ELK3: variants seen among roughly 807,000 people sequenced by gnomAD.
The protein encoded by ELK3 is ETS transcription factor ELK3.
In ELK3, 10 loss-of-function variants were observed where a neutral mutation model predicts 28.9. The ratio of observed to expected loss-of-function variants is 0.35; its 90% CI spans 0.21 to 0.59. The LOEUF (loss-of-function observed/expected upper bound fraction) is 0.59, where lower values mean the gene tolerates loss of function less well. Ranked by LOEUF, ELK3 falls within the 20% of genes least tolerant of loss-of-function variation. The pLI, the probability that ELK3 is intolerant of heterozygous loss-of-function variation, is 0.82. For missense variants in ELK3, 463 were observed against 517.3 expected (o/e 0.90, Z 1.02); for synonymous variants, 272 against 243.5 (o/e 1.12, Z -1.09).
At chr12:96,217,098 G>T (rs1330362304) in intron 1 of ELK3, among the ~76,000 whole-genome samples, 2 of 152,194 alleles carry the variant, frequency 1.3e-5, no homozygotes, top group Non-Finnish European at 1.5e-5. Flanking sequence ...AAAAAATTAA[G>T]AAATGAGCAG....
intron 2 of ELK3, among the ~76,000 whole-genome samples, chr12:96,224,325 C>T (rs1951684823): frequency 6.6e-6 from 1 of 151,510 alleles, no homozygotes; most frequent in South Asian, 2.1e-4. Flanking sequence ...TAGAACGCTG[C>T]TAATAGGAGT....
chr12:96,239,479 G>A (rs1951805850), intron 2 of ELK3, among the ~76,000 whole-genome samples: 1 of 152,162 alleles, frequency 6.6e-6, no homozygotes, highest in African/African-American at 2.4e-5. Context: ...GGGGACCTTG[G>A]CTTCTCCATC....
At position 96,247,488 on chromosome 12, in the gene ELK3, C is replaced by T; in HGVS notation, c.756C>T (p.Leu252=). 6.2e-7 allele frequency: 1 copy of T among 1,614,168 alleles called. No individual in the cohort carries two copies. The part of the protein sequence containing the change: ...RSPSLSPNSP[L]PSEHRSLFLE... ...CGTCCCTGTCCCCCAACTCACCCCT[C>T]CCTTCTGAACACAGAAGCCTCTTCC... Residue 252 remains leucine, a synonymous_variant, in exon 3 of 5, where the codon CTC becomes CTT. Transcript: ENST00000228741. This position sits in a 1 kb window ranked among gnomAD's most constrained non-coding sequence, Gnocchi z 5.5.
intron 4 of ELK3, among the ~76,000 whole-genome samples, chr12:96,263,457 T>C (rs989584278): frequency 7.2e-5 from 11 of 152,252 alleles, no homozygotes; most frequent in Admixed American, 4.6e-4. Context: ...GGAATAGGTA[T>C]GTCTTGAAAC....
At chr12:96,210,650 C>T (rs976676752) in intron 1 of ELK3, among the ~76,000 whole-genome samples, 5 of 151,946 alleles carry the variant, frequency 3.3e-5, no homozygotes, top group African/African-American at 9.7e-5. Flanking sequence ...AGCTTCTCAA[C>T]GGCCCACTTG....
intron 1 of ELK3, chr12:96,222,815 A>G (rs1951671816): frequency 6.6e-6 from 1 of 152,618 alleles, no homozygotes; most frequent in Non-Finnish European, 1.5e-5. Flanking sequence ...AAGCGGTTTA[A>G]TGGGCTCACA....
rs56206854 is a variant in ELK3, at chr12:96,196,747, G to GT, written c.-3+2063dup. On this transcript the variant is annotated intron_variant, in intron 1 of 4. Transcript: ENST00000228741. ...CAAAGGCCTTCTGCCCTCTAAAAGT[G>GT]TTTTTTTTTTTTTTTTTTTTTAATT... Among the ~76,000 whole-genome samples, 143 of 137,236 alleles carry GT rather than the reference G, an allele frequency of 1.0e-3. 1 individual carries two copies. The highest frequency in any genetic ancestry group is 1.2e-3 in the Non-Finnish European group (79 of 64,272). 90.0% of individuals were successfully genotyped at this position (137,236 alleles called of 152,430 possible). A position where few individuals can be genotyped will look rare whatever the true frequency, so the allele number is the denominator to read the frequency against.
At chr12:96,205,058 C>T (rs1365396985) in intron 1 of ELK3, among the ~76,000 whole-genome samples, 2 of 152,254 alleles carry the variant, frequency 1.3e-5, no homozygotes, top group Non-Finnish European at 2.9e-5. Context: ...GTTGGTGCTG[C>T]TCCTCTTTGC....
Position 96,217,957 on chromosome 12 carries a change from AT to A in ELK3, c.-2-5607del, listed in dbSNP as rs1202750773. Among the ~76,000 whole-genome samples the A allele has an allele frequency of 4.6e-5, 7 of 151,380 alleles. No individual in the cohort carries two copies. The South Asian group carries it at 1.3e-3, about 27-fold the overall frequency. On this transcript the variant is annotated intron_variant, in intron 1 of 4. Transcript: ENST00000228741. ...CGTCTCAAAAAAAAAAAAAAAAAAA[AT>A]CATTTGTCAACACTGAGAACGAAAA...
chr12:96,226,093 C>G (rs1201896525), intron 2 of ELK3, among the ~76,000 whole-genome samples: 3 of 152,072 alleles, frequency 2.0e-5, no homozygotes, highest in Non-Finnish European at 4.4e-5. Flanking sequence ...GATTGCACCA[C>G]TGCACTCCAG....
At chr12:96,233,171 A>G (rs1289593825) in intron 2 of ELK3, among the ~76,000 whole-genome samples, 2 of 152,104 alleles carry the variant, frequency 1.3e-5, no homozygotes, top group African/African-American at 4.8e-5. Context: ...GTGGAGAGGG[A>G]AAAAGGATGG....
chr12:96,253,620 T>G (rs1951924518), intron 3 of ELK3, among the ~76,000 whole-genome samples: 1 of 152,246 alleles, frequency 6.6e-6, no homozygotes, highest in Admixed American at 6.5e-5. Flanking sequence ...TTGTCATGGA[T>G]TCTGTTGGCA....
rs1952041638 is a variant in ELK3, at chr12:96,267,277, CTTG to C, written c.*100_*102del. On this transcript the variant is annotated 3_prime_UTR_variant, in exon 5 of 5. Coordinates refer to ENST00000228741, the MANE Select transcript of ELK3 (RefSeq NM_005230.4). Reference sequence around the variant, plus strand: ...GTCGTGAGAAGGACATTGTGAAACTCTTGTTAATTTGGTTTGCACTTTTCATAA... The same window carrying C: ...GTCGTGAGAAGGACATTGTGAAACTCTTAATTTGGTTTGCACTTTTCATAA... 21 of 1,050,428 alleles carry C rather than the reference CTTG, an allele frequency of 2.0e-5. 1 individual carries two copies. In the South Asian group the frequency reaches 3.4e-4, roughly 17 times the overall value. 65.1% of individuals were successfully genotyped at this position (1,050,428 alleles called of 1,614,324 possible).
intron 2 of ELK3, among the ~76,000 whole-genome samples, chr12:96,229,523 CTTTTTTTTTTTTTTTT>C (rs10578974): frequency 4.5e-5 from 3 of 66,316 alleles, no homozygotes; most frequent in Middle Eastern, 0.014. Flanking sequence ...CCAGATTTTC[CTTTTTTTTTTTTTTTT>C]TTTTTTTTTT....
chr12:96,214,681 T>C (rs1951598044), intron 1 of ELK3, among the ~76,000 whole-genome samples: 2 of 152,194 alleles, frequency 1.3e-5, no homozygotes, highest in Non-Finnish European at 2.9e-5. Context: ...GAAAATAAAT[T>C]TAATAGTCTT....
chr12:96,248,612 G>A (rs1272494230), intron 3 of ELK3, among the ~76,000 whole-genome samples: 1 of 152,188 alleles, frequency 6.6e-6, no homozygotes, highest in Admixed American at 6.5e-5. Flanking sequence ...TTCCATGTGT[G>A]GAAAATGGGA....
intron 1 of ELK3, among the ~76,000 whole-genome samples, chr12:96,202,871 C>T (rs899163146): frequency 2.0e-5 from 3 of 151,686 alleles, no homozygotes; most frequent in Middle Eastern, 3.4e-3. Context: ...TGAATTCTCT[C>T]TCTCCAAATT....
At chr12:96,210,577 A>ACT (rs1313784504) in intron 1 of ELK3, among the ~76,000 whole-genome samples, 1 of 150,968 alleles carries the variant, frequency 6.6e-6, no homozygotes, top group Non-Finnish European at 1.5e-5. Context: ...ACACACACAC[A>ACT]CACACACACA....
intron 3 of ELK3, among the ~76,000 whole-genome samples, chr12:96,252,695 G>T (rs556947375): frequency 2.0e-5 from 3 of 152,296 alleles, no homozygotes; most frequent in African/African-American, 7.2e-5. Context: ...GCAATTTATT[G>T]ATCAAACTTG....
Sources: allele counts gnomAD v4.1 joint callset (sites outside exome capture counted in the v4.1 genomes callset), GRCh38; gene constraint gnomAD v4.1.1; non-coding constraint Gnocchi (gnomAD v3.1); transcripts MANE v1.5; gene names NCBI Gene and HGNC (gene_info 2026-07-23, HGNC 2026-07-21).